The following KIAA0825 variants were observed in gnomAD, a reference collection of about 807,000 sequenced individuals.
KIAA0825 encodes the protein KIAA0825.
KIAA0825 carries 119 observed loss-of-function variants against 147.6 expected under a neutral mutation model. The ratio of observed to expected loss-of-function variants is 0.81; its 90% confidence interval spans 0.69 to 0.94. KIAA0825 has a LOEUF of 0.94. Ranked by LOEUF, KIAA0825 falls within the 40% of genes least tolerant of loss-of-function variation. KIAA0825 has a pLI of 0.00. For missense variants in KIAA0825, 1,381 were observed against 1,472.7 expected (o/e 0.94, Z 1.02); for synonymous variants, 470 against 518.1 (o/e 0.91, Z 1.26).
At chr5:94,537,575 C>CTGG (rs10670311) in intron 2 of KIAA0825, among the ~76,000 whole-genome samples, 1 of 149,254 alleles carries the variant, frequency 6.7e-6, no homozygotes, top group African/African-American at 2.5e-5. Context: ...GGTGTGAACC[C>CTGG]AGATGGAGCT....
chr5:94,179,332 A>C (rs1769391791), intron 20 of KIAA0825, among the ~76,000 whole-genome samples: 1 of 152,116 alleles, frequency 6.6e-6, no homozygotes, highest in Non-Finnish European at 1.5e-5. Context: ...AGACTGTGAC[A>C]AGGAATCTAA....
At chr5:94,393,399 G>A (rs1750175855) in intron 17 of KIAA0825, among the ~76,000 whole-genome samples, 2 of 152,178 alleles carry the variant, frequency 1.3e-5, no homozygotes, top group African/African-American at 4.8e-5. Flanking sequence ...TTTACAGCTT[G>A]AGTGTTACTA....
intron 1 of KIAA0825, among the ~76,000 whole-genome samples, chr5:94,596,726 T>C (rs950804280): frequency 6.6e-6 from 1 of 152,146 alleles, no homozygotes; most frequent in Non-Finnish European, 1.5e-5. Flanking sequence ...TGTTTTTCCA[T>C]TTATTTGTGT....
chr5:94,307,192 C>T (rs1054975976), intron 20 of KIAA0825, among the ~76,000 whole-genome samples: 18 of 151,470 alleles, frequency 1.2e-4, no homozygotes, highest in African/African-American at 3.1e-4. Context: ...AAGATAGGTG[C>T]GGGAGGTTGT....
chr5:94,451,634 A>G (rs1235039723), intron 13 of KIAA0825, among the ~76,000 whole-genome samples: 3 of 152,356 alleles, frequency 2.0e-5, no homozygotes, highest in African/African-American at 7.2e-5. Flanking sequence ...AGAAGTTAAT[A>G]TAAGAATTAG....
At chr5:94,198,077 A>G (rs1413657933) in intron 20 of KIAA0825, among the ~76,000 whole-genome samples, 1 of 152,176 alleles carries the variant, frequency 6.6e-6, no homozygotes, top group Non-Finnish European at 1.5e-5. Flanking sequence ...TTTTAATAAT[A>G]TTGATTCTTC....
At chr5:94,409,703 T>C (rs1253257407) in intron 15 of KIAA0825, among the ~76,000 whole-genome samples, 1 of 151,946 alleles carries the variant, frequency 6.6e-6, no homozygotes, top group East Asian at 1.9e-4. Context: ...CAGACCAGAG[T>C]GGCAAGATGT....
rs551788603 is a variant in KIAA0825 at position 94,525,663 on chromosome 5, C to T, written c.132-1565G>A. ...TCTTTATCAAAGGTTTTTATTATAGCATCCTCATGTGTCTCATTCAATGAA... is the reference window on the plus strand; with the variant it reads ...TCTTTATCAAAGGTTTTTATTATAGTATCCTCATGTGTCTCATTCAATGAA... On this transcript the variant is annotated intron_variant, in intron 3 of 20. Coordinates refer to ENST00000682413, the MANE Select transcript of KIAA0825 (RefSeq NM_001145678.3). Among the ~76,000 whole-genome samples, 26 of 152,024 alleles carry T rather than the reference C, an allele frequency of 1.7e-4. 1 individual carries two copies. In the South Asian group the frequency reaches 4.8e-3, roughly 28 times the overall value.
chr5:94,476,861 A>G (rs1047749874), intron 7 of KIAA0825, among the ~76,000 whole-genome samples: 1 of 152,136 alleles, frequency 6.6e-6, no homozygotes, highest in Non-Finnish European at 1.5e-5. Context: ...GCCCTGAGTC[A>G]GGATAATAAC....
At chr5:94,311,205 C>T (rs545807601) in intron 20 of KIAA0825, among the ~76,000 whole-genome samples, 5 of 149,796 alleles carry the variant, frequency 3.3e-5, no homozygotes, top group Non-Finnish European at 7.4e-5. Context: ...CAGTTCAAAG[C>T]AATTGCTTTG....
chr5:94,440,131 T>C lies in KIAA0825; in HGVS notation c.2358-10A>G. 6.5e-7 allele frequency: 1 copy of C among 1,550,196 alleles called. No individual in the cohort carries two copies. The highest frequency in any genetic ancestry group is 8.7e-7 in the Non-Finnish European group (1 of 1,146,328). On this transcript the variant is annotated splice_polypyrimidine_tract_variant and intron_variant, in intron 13 of 20. Coordinates refer to ENST00000682413, the MANE Select transcript of KIAA0825 (RefSeq NM_001145678.3). ...TCCAGCTGATGGAGTCCTTTCAAAA[T>C]GCAAGATAAAGATGGAGTAATGAAG... is the stretch of plus-strand genomic sequence containing the variant.
intron 1 of KIAA0825, among the ~76,000 whole-genome samples, chr5:94,608,223 C>T (rs946638305): frequency 4.0e-5 from 6 of 149,818 alleles, no homozygotes; most frequent in Admixed American, 1.3e-4. Context: ...CTTATGTCTT[C>T]GATAGGAAGT....
At chr5:94,307,728 C>T (rs1042857251) in intron 20 of KIAA0825, among the ~76,000 whole-genome samples, 2 of 151,718 alleles carry the variant, frequency 1.3e-5, no homozygotes, top group South Asian at 2.1e-4. Context: ...TACTCCACCT[C>T]GAAAACAGAG....
chr5:94,573,565 C>T (rs2152333332), intron 2 of KIAA0825, among the ~76,000 whole-genome samples: 1 of 152,266 alleles, frequency 6.6e-6, no homozygotes, highest in African/African-American at 2.4e-5. Context: ...AGCCACCAGG[C>T]CCAGCCTCTT....
chr5:94,399,302 G>C (rs995071442), intron 16 of KIAA0825, among the ~76,000 whole-genome samples: 2 of 152,006 alleles, frequency 1.3e-5, no homozygotes, highest in Non-Finnish European at 1.5e-5. Context: ...TTGAAAGATT[G>C]TATCTTATAT....
intron 12 of KIAA0825, among the ~76,000 whole-genome samples, chr5:94,453,652 A>T (rs148312101): frequency 1.3e-3 from 197 of 152,254 alleles, no homozygotes; most frequent in Admixed American, 2.7e-3. Flanking sequence ...AACCTCTATA[A>T]AACAATCTTT....
At chr5:94,565,204 A>G (rs1303229999) in intron 2 of KIAA0825, among the ~76,000 whole-genome samples, 2 of 142,664 alleles carry the variant, frequency 1.4e-5, no homozygotes, top group Non-Finnish European at 3.0e-5. Flanking sequence ...AAGTGTTGGG[A>G]TTATAGGTGT....
Position 94,527,601 on chromosome 5 carries a change from T to A in KIAA0825, c.132-3503A>T, listed in dbSNP as rs533273657. Among the ~76,000 whole-genome samples, 498 of 151,994 alleles carry A rather than the reference T, an allele frequency of 3.3e-3. 2 individuals are homozygous for A. The highest frequency in any genetic ancestry group is 0.011 in the African/African-American group (447 of 41,494). On this transcript the variant is annotated intron_variant, in intron 3 of 20. Transcript: ENST00000682413. ...GGAAAACCCAAAATTTAAAAAAAAATTTTAAAACTTTTACATTTTGATGCT... is the reference window on the plus strand; with the variant it reads ...GGAAAACCCAAAATTTAAAAAAAAAATTTAAAACTTTTACATTTTGATGCT...
chr5:94,209,413 C>A (rs1772500876), intron 20 of KIAA0825, among the ~76,000 whole-genome samples: 1 of 152,102 alleles, frequency 6.6e-6, no homozygotes, highest in Non-Finnish European at 1.5e-5. Flanking sequence ...TATTCATAAG[C>A]AGGGTGAGAC....
Sources: allele counts gnomAD v4.1 joint callset (sites outside exome capture counted in the v4.1 genomes callset), GRCh38; gene constraint gnomAD v4.1.1; transcripts MANE v1.5; gene names NCBI Gene and HGNC (gene_info 2026-07-23, HGNC 2026-07-21).